TM2D1: variants seen among roughly 807,000 people sequenced by gnomAD.
TM2D1 encodes the protein TM2 domain-containing protein 1.
In TM2D1, 15 loss-of-function variants were observed where a neutral mutation model predicts 28.4. That is an observed-to-expected ratio of 0.53 (90% CI 0.35 to 0.81). The LOEUF (loss-of-function observed/expected upper bound fraction) is 0.81. TM2D1 is among the 40% of genes least tolerant of loss of function. TM2D1 has a pLI of 0.01. For synonymous variants in TM2D1, 93 were observed against 96.2 expected (o/e 0.97, Z 0.20); for missense variants, 236 against 254.9 (o/e 0.93, Z 0.50).
chr1:61,691,932 A>AAAAAAAAATATAT lies in TM2D1; in HGVS notation c.513+2764_513+2765insATATATTTTTTTT. ...TCTCAAAAAAAACTTAAAAAAAAAA[A>AAAAAAAAATATAT]ATATATATATATATATATATATATA... On this transcript the variant is annotated intron_variant, in intron 5 of 6. Transcript: ENST00000606498. Among the ~76,000 whole-genome samples the AAAAAAAAATATAT allele has an allele frequency of 5.9e-4, 45 of 76,400 alleles. 1 individual carries two copies. The highest frequency in any genetic ancestry group is 8.5e-4 in the Non-Finnish European group (33 of 38,826). 50.1% of individuals were successfully genotyped at this position (76,400 alleles called of 152,430 possible). A position where few individuals can be genotyped will look rare whatever the true frequency, so the allele number is the denominator to read the frequency against.
intron 2 of TM2D1, among the ~76,000 whole-genome samples, chr1:61,715,889 C>T (rs1263310974): frequency 2.7e-5 from 4 of 150,736 alleles, no homozygotes; most frequent in Admixed American, 6.6e-5. Flanking sequence ...GCAAGCTCCA[C>T]CTCCCAGGTT....
intron 4 of TM2D1, among the ~76,000 whole-genome samples, chr1:61,695,167 T>A: frequency 6.6e-6 from 1 of 152,024 alleles, no homozygotes; most frequent in East Asian, 1.9e-4. Flanking sequence ...TTACTATACA[T>A]TTGGAGAGTT....
chr1:61,683,683 T>G, intron 5 of TM2D1, 137 bp from the exon 6 acceptor site: 1 of 484,544 alleles, frequency 2.1e-6, no homozygotes, highest in South Asian at 2.8e-5. Flanking sequence ...AAATAGGTAA[T>G]TTAGTGGCTC....
In TM2D1 at chr1:61,695,709, T is replaced by C. The variant is rs901368460; in HGVS notation, c.440-939A>G. Among the ~76,000 whole-genome samples the C allele has an allele frequency of 2.5e-4, 38 of 152,246 alleles. 1 individual carries two copies. Among genetic ancestry groups the C allele is most frequent in the East Asian group, 3.9e-4 (2 of 5,192 alleles). ...ACAACCTGAGAATACACAAATAAGA[T>C]TGAACTATGTAAGGACATTAGATGA... On this transcript the variant is annotated intron_variant, in intron 4 of 6. Coordinates refer to ENST00000606498, the MANE Select transcript of TM2D1 (RefSeq NM_032027.3).
chr1:61,690,422 A>AAT (rs575891168), intron 5 of TM2D1, among the ~76,000 whole-genome samples: 14 of 127,854 alleles, frequency 1.1e-4, no homozygotes, highest in African/African-American at 4.1e-4. Flanking sequence ...GCGCCACTGT[A>AAT]CTCCAGCCTG....
intron 5 of TM2D1, among the ~76,000 whole-genome samples, chr1:61,691,932 A>AAAAAAAAATATATATATATATAT: frequency 2.0e-4 from 15 of 76,384 alleles, no homozygotes; most frequent in African/African-American, 2.8e-4. Flanking sequence ...AAAAAAAAAA[A>AAAAAAAAATATATATATATATAT]ATATATATAT....
intron 5 of TM2D1, among the ~76,000 whole-genome samples, chr1:61,688,935 G>T (rs1308085939): frequency 6.6e-6 from 1 of 151,604 alleles, no homozygotes; most frequent in Non-Finnish European, 1.5e-5. Flanking sequence ...TACTCAGGAG[G>T]CTGAGGCAGG....
intron 4 of TM2D1, chr1:61,700,278 T>C: frequency 2.0e-6 from 3 of 1,482,538 alleles, no homozygotes; most frequent in Non-Finnish European, 2.7e-6. Flanking sequence ...TCCTTACCTG[T>C]TAAAGAGGAT....
chr1:61,723,863 T>C (rs1173084124), intron 1 of TM2D1, 77 bp from the exon 2 acceptor site: 2 of 667,672 alleles, frequency 3.0e-6, no homozygotes, highest in Admixed American at 2.7e-5. Flanking sequence ...TCATATTATA[T>C]ACTCATGTTG....
At position 61,725,104 on chromosome 1, in the gene TM2D1, G is replaced by C; in HGVS notation, c.17C>G (p.Pro6Arg). Residue 6 changes from proline to arginine, a missense_variant, in exon 1 of 7, where the codon CCG (proline) becomes CGG (arginine). Transcript: ENST00000606498. MAAAW[P>R]SGPSAPEAVT... ...GGCCTCCGGAGCAGACGGACCAGACGGCCAGGCGGCCGCCATCTTGGAGAC... is the reference window on the plus strand; with the variant it reads ...GGCCTCCGGAGCAGACGGACCAGACCGCCAGGCGGCCGCCATCTTGGAGAC... The C allele has an allele frequency of 1.2e-6, 2 of 1,613,576 alleles. No homozygotes were observed. Among genetic ancestry groups the C allele is most frequent in the Non-Finnish European group, 1.7e-6 (2 of 1,179,882 alleles).
chr1:61,696,619 T>G (rs1644364934), intron 4 of TM2D1, among the ~76,000 whole-genome samples: 1 of 152,128 alleles, frequency 6.6e-6, no homozygotes, highest in Non-Finnish European at 1.5e-5. Flanking sequence ...TATCTTTAAC[T>G]GCTAATCCAT....
intron 3 of TM2D1, among the ~76,000 whole-genome samples, chr1:61,704,266 T>C (rs1436440846): frequency 6.6e-6 from 1 of 151,814 alleles, no homozygotes; most frequent in East Asian, 1.9e-4. Context: ...CATATATATA[T>C]ACAAAGATGA....
rs549776720 is a variant in TM2D1, at chr1:61,712,797, A to G, written c.239-3360T>C. Among the ~76,000 whole-genome samples, 5 of 152,336 alleles carry G rather than the reference A, an allele frequency of 3.3e-5. No homozygotes were observed. The South Asian group carries it at 1.0e-3, about 32-fold the overall frequency. Reference sequence around the variant, plus strand: ...TAAACACCACAGCAATTTCACAGCCATCATGATCCACTGGAGAACAGATAT... The same window carrying G: ...TAAACACCACAGCAATTTCACAGCCGTCATGATCCACTGGAGAACAGATAT... On this transcript the variant is annotated intron_variant, in intron 2 of 6. Transcript: ENST00000606498.
intron 3 of TM2D1, among the ~76,000 whole-genome samples, chr1:61,707,277 C>T (rs139307190): frequency 6.6e-6 from 1 of 152,054 alleles, no homozygotes; most frequent in African/African-American, 2.4e-5. Flanking sequence ...ATAAAAAATG[C>T]TTATGAGTAT....
intron 2 of TM2D1, among the ~76,000 whole-genome samples, chr1:61,711,858 T>C (rs1459092506): frequency 1.3e-5 from 2 of 152,114 alleles, no homozygotes; most frequent in Non-Finnish European, 2.9e-5. Context: ...AATGTTGATA[T>C]AAATTCTATG....
chr1:61,720,115 A>C (rs1383480996), intron 2 of TM2D1, among the ~76,000 whole-genome samples: 2 of 152,280 alleles, frequency 1.3e-5, no homozygotes, highest in Non-Finnish European at 2.9e-5. Context: ...AAAATAAAGA[A>C]GACTTCTGTC....
chr1:61,724,119 G>A (rs1644587663), intron 1 of TM2D1, among the ~76,000 whole-genome samples: 1 of 152,174 alleles, frequency 6.6e-6, no homozygotes, highest in Admixed American at 6.6e-5. Flanking sequence ...TGAGAAAACA[G>A]AGTTCAAATA....
At chr1:61,724,724 A>C in intron 1 of TM2D1, among the ~76,000 whole-genome samples, 1 of 152,216 alleles carries the variant, frequency 6.6e-6, no homozygotes, top group East Asian at 1.9e-4. Flanking sequence ...AAAGTGGATC[A>C]GAAGAGGAAG....
At chr1:61,722,022 C>CT (rs1458013115) in intron 2 of TM2D1, among the ~76,000 whole-genome samples, 1 of 146,404 alleles carries the variant, frequency 6.8e-6, no homozygotes, top group Non-Finnish European at 1.5e-5. Flanking sequence ...AAACCCAGCA[C>CT]TTTTTTTGGG....
Sources: allele counts gnomAD v4.1 joint callset (sites outside exome capture counted in the v4.1 genomes callset), GRCh38; gene constraint gnomAD v4.1.1; transcripts MANE v1.5; gene names NCBI Gene and HGNC (gene_info 2026-07-23, HGNC 2026-07-21).